Variants in PAPPA observed in about 807,000 individuals in gnomAD.
The protein encoded by PAPPA is pappalysin 1.
A neutral mutation model predicts 164.0 loss-of-function variants in PAPPA; 60 were observed. The ratio of observed to expected loss-of-function variants is 0.37; its 90% confidence interval spans 0.30 to 0.45. PAPPA has a LOEUF of 0.45. Among genes scored for constraint, PAPPA ranks in the 20% least tolerant of loss-of-function variants. The pLI is 1.00. For synonymous variants in PAPPA, 875 were observed against 814.1 expected (o/e 1.07, Z -1.27); for missense variants, 1,782 against 2,087.3 (o/e 0.85, Z 2.85).
At chr9:116,366,478 T>C (rs1184305733) in intron 18 of PAPPA, among the ~76,000 whole-genome samples, 3 of 152,360 alleles carry the variant, frequency 2.0e-5, no homozygotes, top group South Asian at 2.1e-4. Flanking sequence ...TATCCATTTA[T>C]GTACTTACTT....
At chr9:116,363,543 C>G (rs141299510) in intron 18 of PAPPA, among the ~76,000 whole-genome samples, 1 of 152,176 alleles carries the variant, frequency 6.6e-6, no homozygotes, top group African/African-American at 2.4e-5. Flanking sequence ...CACAGCTTTC[C>G]GGGGTACTCA....
rs145877792 is a variant in PAPPA, at chr9:116,248,532, A to T, written c.2732+12895A>T. 2.9e-3 allele frequency among the ~76,000 whole-genome samples: 439 copies of T among 152,274 alleles called. 4 individuals are homozygous for T. Among genetic ancestry groups the T allele is most frequent in the East Asian group, 0.02 (104 of 5,180 alleles). On this transcript the variant is annotated intron_variant, in intron 7 of 21. Transcript: ENST00000328252. ...TTGAGTTTGGGGGCTGGCCATCTAG[A>T]TCTAAAGAAAGCCTCCAGGCACAGT...
At chr9:116,293,594 T>C (rs1203115886) in intron 9 of PAPPA, among the ~76,000 whole-genome samples, 1 of 152,196 alleles carries the variant, frequency 6.6e-6, no homozygotes, top group Non-Finnish European at 1.5e-5. Flanking sequence ...ATAGGAAAGT[T>C]GGAGCTAGAT....
At chr9:116,202,371 T>C (rs1025365631) in intron 2 of PAPPA, among the ~76,000 whole-genome samples, 2 of 152,150 alleles carry the variant, frequency 1.3e-5, no homozygotes, top group African/African-American at 4.8e-5. Flanking sequence ...ACGAGTGAGA[T>C]GCATAAAGAA....
chr9:116,165,470 A>G (rs770455484), intron 1 of PAPPA, among the ~76,000 whole-genome samples: 2 of 152,108 alleles, frequency 1.3e-5, no homozygotes, highest in Non-Finnish European at 2.9e-5. Flanking sequence ...GCTTCCTTAT[A>G]ATGTTTATAG....
chr9:116,178,664 G>A (rs1022817171), intron 1 of PAPPA, among the ~76,000 whole-genome samples: 15 of 152,184 alleles, frequency 9.9e-5, no homozygotes, highest in African/African-American at 3.6e-4. Flanking sequence ...TGTAACACTT[G>A]TTTTGTTGCC....
intron 1 of PAPPA, among the ~76,000 whole-genome samples, chr9:116,166,470 TCAC>T (rs1300279406): frequency 1.3e-5 from 2 of 152,202 alleles, no homozygotes; most frequent in East Asian, 3.8e-4. Flanking sequence ...GCTTCAGTCT[TCAC>T]CCATTTCCCT....
At chr9:116,253,221 T>C (rs1449701919) in intron 7 of PAPPA, among the ~76,000 whole-genome samples, 1 of 152,156 alleles carries the variant, frequency 6.6e-6, no homozygotes, top group Non-Finnish European at 1.5e-5. Context: ...CTATTTGGTC[T>C]TCCTCTGCTA....
chr9:116,290,864 C>A (rs949596569), intron 9 of PAPPA, among the ~76,000 whole-genome samples: 1 of 152,008 alleles, frequency 6.6e-6, no homozygotes, highest in Non-Finnish European at 1.5e-5. Context: ...TTATCCAGGC[C>A]AAATTTCATT....
At chr9:116,387,160 C>T (rs1045840455) in intron 21 of PAPPA, among the ~76,000 whole-genome samples, 4 of 152,194 alleles carry the variant, frequency 2.6e-5, no homozygotes, top group East Asian at 3.9e-4. Flanking sequence ...ATATGTGCTT[C>T]GCTGTGGCCT....
chr9:116,164,813 A>G (rs1198553332), intron 1 of PAPPA, among the ~76,000 whole-genome samples: 1 of 152,224 alleles, frequency 6.6e-6, no homozygotes, highest in Non-Finnish European at 1.5e-5. Flanking sequence ...CTGTGTTAAT[A>G]GGCTAATCTT....
intron 4 of PAPPA, among the ~76,000 whole-genome samples, chr9:116,214,415 T>C (rs2118691453): frequency 6.6e-6 from 1 of 152,296 alleles, no homozygotes; most frequent in East Asian, 1.9e-4. Context: ...GTAGCTTAAG[T>C]ATCTTGCCCA....
chr9:116,396,444 T>A, intron 21 of PAPPA, 65 bp from the exon 22 acceptor site: 1 of 775,312 alleles, frequency 1.3e-6, no homozygotes, highest in Non-Finnish European at 2.4e-6. Context: ...ATCCCTGCGC[T>A]GCACTGCCTT....
In PAPPA at chr9:116,153,934, A is replaced by G; in HGVS notation, c.-239A>G. On this transcript the variant is annotated 5_prime_UTR_variant, in exon 1 of 22. Coordinates refer to ENST00000328252, the MANE Select transcript of PAPPA (RefSeq NM_002581.5). ...AGGGGAAAAATAAGGCAGATAAAGGAGCGGGGAGAGAAATTAATTGCCAAC... is the reference window on the plus strand; with the variant it reads ...AGGGGAAAAATAAGGCAGATAAAGGGGCGGGGAGAGAAATTAATTGCCAAC... 3.5e-6 allele frequency: 1 copy of G among 282,414 alleles called. No homozygotes were observed. 17.5% of individuals were successfully genotyped at this position (282,414 alleles called of 1,614,324 possible).
intron 21 of PAPPA, among the ~76,000 whole-genome samples, chr9:116,385,413 T>C (rs1732576390): frequency 6.6e-6 from 1 of 152,066 alleles, no homozygotes. Flanking sequence ...CCCAAAGTGC[T>C]GGGATTACAG....
chr9:116,257,599 G>A lies in PAPPA; in HGVS notation c.2733-8258G>A, dbSNP rs542902575. ...CGCCTGTAGTCCCAGCTACTCGGGA[G>A]GCTGAGGCAGGAGAATGGCGTGAAC... On this transcript the variant is annotated intron_variant, in intron 7 of 21. Coordinates refer to ENST00000328252, the MANE Select transcript of PAPPA (RefSeq NM_002581.5). Among the ~76,000 whole-genome samples the A allele has an allele frequency of 1.2e-4, 19 of 152,114 alleles. No homozygotes were observed. In the South Asian group the frequency reaches 4.0e-3, roughly 32 times the overall value.
At position 116,271,285 on chromosome 9, in the gene PAPPA, G is replaced by T; in HGVS notation, c.2862-40G>T. On this transcript the variant is annotated intron_variant, in intron 8 of 21. Coordinates refer to ENST00000328252, the MANE Select transcript of PAPPA (RefSeq NM_002581.5). This position sits in a 1 kb window ranked among gnomAD's most constrained non-coding sequence, Gnocchi z 4.2. ...TTTCCATGTCCAGCCATGGTTTTAA[G>T]ACTAAATTGGCAAATTTCTCTTCCA... 1 of 1,454,020 alleles carries T rather than the reference G, an allele frequency of 6.9e-7. No homozygotes were observed. Among genetic ancestry groups the T allele is most frequent in the Non-Finnish European group, 9.7e-7 (1 of 1,034,104 alleles). The allele number at this position is 1,454,020 out of a possible 1,614,324, so 90.1% of individuals were successfully genotyped here. A position where few individuals can be genotyped will look rare whatever the true frequency, so the allele number is the denominator to read the frequency against.
At chr9:116,279,781 G>A (rs1845245649) in intron 9 of PAPPA, among the ~76,000 whole-genome samples, 2 of 152,204 alleles carry the variant, frequency 1.3e-5, no homozygotes, top group Non-Finnish European at 2.9e-5. Context: ...GGCGGACTGG[G>A]AGAGGGTAGA....
chr9:116,300,467 A>G (rs944868059), intron 9 of PAPPA, among the ~76,000 whole-genome samples: 5 of 151,952 alleles, frequency 3.3e-5, no homozygotes, highest in African/African-American at 1.2e-4. Context: ...TTGGAGAGAC[A>G]GGGTCTCATC....
Sources: allele counts gnomAD v4.1 joint callset (sites outside exome capture counted in the v4.1 genomes callset), GRCh38; gene constraint gnomAD v4.1.1; non-coding constraint Gnocchi (gnomAD v3.1); transcripts MANE v1.5; gene names NCBI Gene and HGNC (gene_info 2026-07-23, HGNC 2026-07-21).